Variants in CREB5 observed in about 807,000 individuals in gnomAD.
The protein encoded by CREB5 is cyclic AMP-responsive element-binding protein 5.
CREB5 carries 19 observed loss-of-function variants against 57.1 expected under a neutral mutation model. The ratio of observed to expected loss-of-function variants is 0.33; its 90% CI spans 0.23 to 0.49. CREB5 has a LOEUF of 0.49. Ranked by LOEUF, CREB5 falls within the 20% of genes least tolerant of loss-of-function variation. The probability of loss-of-function intolerance (pLI) is 0.99; values close to 1 mark genes in which losing one functional copy is unlikely to be tolerated. For synonymous variants in CREB5, 238 were observed against 238.3 expected (o/e 1.00, Z 0.01); for missense variants, 579 against 671.6 (o/e 0.86, Z 1.52).
chr7:28,619,109 C>T (rs981060065), intron 5 of CREB5, among the ~76,000 whole-genome samples: 1 of 152,204 alleles, frequency 6.6e-6, no homozygotes, highest in Non-Finnish European at 1.5e-5. Context: ...AGATTTAACT[C>T]ATTTAAGCCT....
At chr7:28,593,050 A>C (rs1003064616) in intron 5 of CREB5, among the ~76,000 whole-genome samples, 15 of 152,302 alleles carry the variant, frequency 9.8e-5, no homozygotes, top group African/African-American at 3.6e-4. Context: ...AACCACTCAA[A>C]GATAAATCCA....
intron 1 of CREB5, among the ~76,000 whole-genome samples, chr7:28,382,654 T>A (rs1281749627): frequency 6.6e-6 from 1 of 152,062 alleles, no homozygotes; most frequent in Non-Finnish European, 1.5e-5. Flanking sequence ...ACCTGAAGTA[T>A]CGATCCGTCA....
chr7:28,653,245 C>T (rs1799213445), intron 5 of CREB5, among the ~76,000 whole-genome samples: 1 of 152,148 alleles, frequency 6.6e-6, no homozygotes, highest in South Asian at 2.1e-4. Context: ...GGTATATTCA[C>T]TAAACATATA....
At chr7:28,612,543 GGTGTGTGTGTGTGTGTGTGTGT>G (rs59074697) in intron 5 of CREB5, among the ~76,000 whole-genome samples, 8 of 137,376 alleles carry the variant, frequency 5.8e-5, no homozygotes, top group South Asian at 5.0e-4. Context: ...TTAGAGAAGG[GGTGTGTGTGTGTGTGTGTGTGT>G]GTGTGTGTGT....
At chr7:28,654,863 G>GC (rs1799275299) in intron 5 of CREB5, among the ~76,000 whole-genome samples, 3 of 152,162 alleles carry the variant, frequency 2.0e-5, no homozygotes, top group African/African-American at 7.2e-5. Context: ...GACCTTTGGA[G>GC]CAGAGGAGAA....
chr7:28,648,871 G>A (rs1302085658), intron 5 of CREB5, among the ~76,000 whole-genome samples: 1 of 152,192 alleles, frequency 6.6e-6, no homozygotes, highest in African/African-American at 2.4e-5. Context: ...GGAAGCCTGT[G>A]CTTTTCTGAA....
chr7:28,700,456 G>A (rs907323214), intron 5 of CREB5, among the ~76,000 whole-genome samples: 2 of 152,046 alleles, frequency 1.3e-5, no homozygotes, highest in African/African-American at 4.8e-5. Flanking sequence ...TTTTATTCAC[G>A]CTAGGCTCTC....
intron 5 of CREB5, among the ~76,000 whole-genome samples, chr7:28,697,018 T>TA (rs1801612042): frequency 6.6e-6 from 1 of 152,008 alleles, no homozygotes; most frequent in Non-Finnish European, 1.5e-5. Flanking sequence ...TGTGTATATA[T>TA]TTATATACAC....
chr7:28,487,015 T>G (rs1396563398), intron 1 of CREB5, among the ~76,000 whole-genome samples: 1 of 152,068 alleles, frequency 6.6e-6, no homozygotes, highest in Non-Finnish European at 1.5e-5. Flanking sequence ...TAATTTAACA[T>G]GTGTCTGATG....
At chr7:28,724,791 T>A (rs935685132) in intron 7 of CREB5, 3 of 152,838 alleles carry the variant, frequency 2.0e-5, no homozygotes, top group African/African-American at 7.2e-5. Flanking sequence ...TTGTCAGAAG[T>A]GACATTGATT....
chr7:28,597,126 G>A (rs141102644), intron 5 of CREB5, among the ~76,000 whole-genome samples: 7 of 152,300 alleles, frequency 4.6e-5, no homozygotes, highest in Non-Finnish European at 8.8e-5. Flanking sequence ...TATCTCCTTG[G>A]CAGGATAAGC....
intron 1 of CREB5, among the ~76,000 whole-genome samples, chr7:28,322,201 A>G (rs958058600): frequency 6.6e-6 from 1 of 152,108 alleles, no homozygotes; most frequent in African/African-American, 2.4e-5. Flanking sequence ...GTGAGGAACA[A>G]TTGGCTCCTT....
intron 4 of CREB5, among the ~76,000 whole-genome samples, chr7:28,539,404 CA>C (rs1794109475): frequency 6.6e-6 from 1 of 152,154 alleles, no homozygotes. Flanking sequence ...TTAAGTATCA[CA>C]GAATTTCCAA....
At chr7:28,712,507 A>AG (rs954610746) in intron 5 of CREB5, among the ~76,000 whole-genome samples, 7 of 58,744 alleles carry the variant, frequency 1.2e-4, no homozygotes, top group Non-Finnish European at 1.4e-4. Flanking sequence ...AAACTCCTCA[A>AG]AAAAAAAAAA....
intron 4 of CREB5, among the ~76,000 whole-genome samples, chr7:28,553,062 A>C (rs1794733433): frequency 6.6e-6 from 1 of 152,204 alleles, no homozygotes; most frequent in Non-Finnish European, 1.5e-5. Flanking sequence ...TGGGCTACTT[A>C]GGTCTTGATG....
chr7:28,456,016 G>C (rs1477838934), intron 1 of CREB5, among the ~76,000 whole-genome samples: 1 of 152,182 alleles, frequency 6.6e-6, no homozygotes, highest in East Asian at 1.9e-4. Context: ...CATGAGGCCA[G>C]GCCACAGAGG....
intron 7 of CREB5, chr7:28,724,577 T>C (rs1803233047): frequency 8.7e-6 from 4 of 459,162 alleles, no homozygotes; most frequent in Non-Finnish European, 1.6e-5. Flanking sequence ...GGAGTTTTGG[T>C]AGATCCATAC....
At chr7:28,638,874 G>T (rs1798534381) in intron 5 of CREB5, among the ~76,000 whole-genome samples, 1 of 152,174 alleles carries the variant, frequency 6.6e-6, no homozygotes, top group South Asian at 2.1e-4. Flanking sequence ...ATCATAAGTA[G>T]AGAGTACTTT....
chr7:28,809,522 TC>T, intron 9 of CREB5, 108 bp downstream of exon 9: 1 of 993,828 alleles, frequency 1.0e-6, no homozygotes, highest in African/African-American at 1.6e-5. Flanking sequence ...ACACACTTAG[TC>T]CACAGAGGAG....
Sources: gnomAD v4.1 joint callset for allele counts (sites outside exome capture counted in the v4.1 genomes callset) on GRCh38, gnomAD v4.1.1 for gene constraint, MANE v1.5 for transcripts, NCBI Gene and HGNC (gene_info 2026-07-23, HGNC 2026-07-21) for gene names.